The following TEX14 variants were observed in gnomAD, a reference collection of about 807,000 sequenced individuals.
TEX14 encodes testis expressed 14, intercellular bridge forming factor.
A neutral mutation model predicts 178.6 loss-of-function variants in TEX14; 168 were observed. The ratio of observed to expected loss-of-function variants is 0.94; its 90% CI spans 0.83 to 1.07. The LOEUF is 1.07. Among genes scored for constraint, TEX14 ranks in the 50% least tolerant of loss-of-function variants. The pLI is 0.00. For synonymous variants in TEX14, 626 were observed against 634.1 expected, an observed-to-expected ratio of 0.99 and a Z score of 0.19; for missense variants, 1,730 against 1,753.6, an observed-to-expected ratio of 0.99 and a Z score of 0.24.
chr17:58,644,311 G>GT (rs2046644801), intron 2 of TEX14, among the ~76,000 whole-genome samples: 1 of 152,156 alleles, frequency 6.6e-6, no homozygotes, highest in African/African-American at 2.4e-5. Flanking sequence ...AAAACCCTGG[G>GT]TATCTCTTAC....
intron 15 of TEX14, among the ~76,000 whole-genome samples, chr17:58,593,079 CTT>C (rs1311783846): frequency 1.3e-5 from 2 of 152,076 alleles, no homozygotes; most frequent in East Asian, 3.8e-4. Context: ...CACACACACT[CTT>C]CTTCCAGTAA....
chr17:58,614,678 G>A (rs2045830143), intron 8 of TEX14, among the ~76,000 whole-genome samples: 1 of 152,230 alleles, frequency 6.6e-6, no homozygotes, highest in Non-Finnish European at 1.5e-5. Context: ...AAGTTGAGGA[G>A]CCTTCTTAGG....
At chr17:58,584,163 A>G (rs2044893625) in intron 19 of TEX14, among the ~76,000 whole-genome samples, 1 of 151,948 alleles carries the variant, frequency 6.6e-6, no homozygotes, top group African/African-American at 2.4e-5. Context: ...TGCTTTTCCT[A>G]CTCCTAACTG....
chr17:58,582,958 G>A (rs975331981), intron 19 of TEX14, among the ~76,000 whole-genome samples: 2 of 150,454 alleles, frequency 1.3e-5, no homozygotes, highest in Non-Finnish European at 3.0e-5. Context: ...CAAACAAATG[G>A]CTCACTTCAG....
At chr17:58,691,540 G>A (rs2047723937) in intron 1 of TEX14, among the ~76,000 whole-genome samples, 1 of 151,602 alleles carries the variant, frequency 6.6e-6, no homozygotes, top group Non-Finnish European at 1.5e-5. Context: ...GGTGGCGTGC[G>A]CCTGTAATCC....
intron 14 of TEX14, 68 bp from the exon 15 acceptor site, chr17:58,593,729 AT>A: frequency 7.7e-7 from 1 of 1,306,232 alleles, no homozygotes; most frequent in Non-Finnish European, 1.1e-6. Context: ...CTGTCACACT[AT>A]TTTCAAAGCC....
intron 1 of TEX14, among the ~76,000 whole-genome samples, chr17:58,659,518 T>C (rs536698250): frequency 7.9e-5 from 12 of 152,192 alleles, no homozygotes; most frequent in Non-Finnish European, 1.5e-4. Context: ...TATCTACATA[T>C]GCCCGCCTCT....
intron 21 of TEX14, among the ~76,000 whole-genome samples, chr17:58,576,825 T>C (rs754567906): frequency 1.1e-4 from 17 of 152,208 alleles, no homozygotes; most frequent in Non-Finnish European, 2.4e-4. Flanking sequence ...TCTCTGGAAA[T>C]TTAGCCAAGT....
At position 58,561,555 on chromosome 17, in the gene TEX14, G is replaced by C; in HGVS notation, c.4122C>G (p.Ser1374Arg). 6.2e-7 allele frequency: 1 copy of C among 1,613,814 alleles called. No homozygotes were observed. The highest frequency in any genetic ancestry group is 1.1e-5 in the South Asian group (1 of 91,072). Reference protein sequence around the residue: ...LERWLQPPEESVELQDLPKGS... With the variant: ...LERWLQPPEERVELQDLPKGS... ...CCTTGGGAAGGTCTTGTAGCTCCAC[G>C]CTCTCCTCAGGTGGCTGCAGCCATC... The change falls in exon 29 of 32, where the codon AGC becomes AGG. Residue 1374 changes from serine (S) to arginine (R), a missense_variant. Ser to Arg is a moderately radical substitution (Grantham distance 110). Around this residue, in one of 2 missense-constraint regions of TEX14, gnomAD observed 941 missense variants for 1,072.4 expected, o/e 0.88. Coordinates refer to ENST00000349033, the MANE Select transcript of TEX14 (RefSeq NM_031272.5).
chr17:58,592,854 C>T (rs1280031381), intron 15 of TEX14, among the ~76,000 whole-genome samples: 1 of 152,032 alleles, frequency 6.6e-6, no homozygotes, highest in Non-Finnish European at 1.5e-5. Context: ...TACTTAAGTT[C>T]TTTAAAACTC....
chr17:58,572,864 G>T (rs138265990), intron 23 of TEX14, among the ~76,000 whole-genome samples: 1 of 152,198 alleles, frequency 6.6e-6, no homozygotes, highest in Non-Finnish European at 1.5e-5. Context: ...TAAGCACAAG[G>T]TACTGTTTTA....
At position 58,557,852 on chromosome 17, in the gene TEX14, T is replaced by A; in HGVS notation, c.4268-2A>T. On this transcript the variant is annotated splice_acceptor_variant, in intron 30 of 31. Transcript: ENST00000349033. LOFTEE classifies it high-confidence loss of function. ...TCCAAAAACAGGATTTTAGTTCATC[T>A]TGATGAAATATAAGAGGAAGGAAAA... 2 of 1,610,804 alleles carry A rather than the reference T, an allele frequency of 1.2e-6. No homozygotes were observed. The highest frequency in any genetic ancestry group is 1.7e-6 in the Non-Finnish European group (2 of 1,177,904).
rs777685467 is a variant in TEX14, at chr17:58,611,295, C to G, written c.1050G>C (p.Leu350=). 3 of 1,613,278 alleles carry G rather than the reference C, an allele frequency of 1.9e-6. No homozygotes were observed. Among genetic ancestry groups the G allele is most frequent in the Non-Finnish European group, 2.5e-6 (3 of 1,179,554 alleles). The change falls in exon 10 of 32, where the codon CTG becomes CTC. Residue 350 remains leucine, a synonymous_variant. Transcript: ENST00000349033. ...TCAGGGCATCAGATATCTGGAGCAGCAGGTGCACAATCACCTCCATGTGCA... is the reference window on the plus strand; with the variant it reads ...TCAGGGCATCAGATATCTGGAGCAGGAGGTGCACAATCACCTCCATGTGCA... The part of the protein sequence containing the change: ...PVLHMEVIVH[L]LLQISDALRY...
Position 58,561,517 on chromosome 17 carries a change from A to G in TEX14, c.4157+3T>C, listed in dbSNP as rs760679695. The G allele has an allele frequency of 2.5e-6, 4 of 1,607,312 alleles. No individual in the cohort carries two copies. The South Asian group carries it at 4.4e-5, about 18-fold the overall frequency. On this transcript the variant is annotated splice_donor_region_variant and intron_variant, in intron 29 of 31. Transcript: ENST00000349033. ...AAAGGATTCCCCTTTGGGGAACAAT[A>G]ACCTTTCAGAGCCCTTGGGAAGGTC...
At chr17:58,616,060 GTTC>G in intron 7 of TEX14, 112 bp downstream of exon 7, 1 of 1,204,120 alleles carries the variant, frequency 8.3e-7, no homozygotes, top group Non-Finnish European at 1.2e-6. Flanking sequence ...TTAGACAGAT[GTTC>G]TTAGGTGTTC....
At chr17:58,652,075 A>C in intron 1 of TEX14, 73 bp from the exon 2 acceptor site, 1 of 1,276,654 alleles carries the variant, frequency 7.8e-7, no homozygotes, top group Non-Finnish European at 1.0e-6. Flanking sequence ...ATTCTTTTAC[A>C]TTTAGAAACC....
At position 58,565,772 on chromosome 17, in the gene TEX14, T is replaced by TG. The variant is rs2044384130; in HGVS notation, c.3938dup (p.Ser1314LysfsTer2). The TG allele has an allele frequency of 6.8e-6, 11 of 1,610,266 alleles. No homozygotes were observed. Among genetic ancestry groups the TG allele is most frequent in the Non-Finnish European group, 8.5e-6 (10 of 1,178,420 alleles). On this transcript the variant is annotated frameshift_variant, in exon 27 of 32. Transcript: ENST00000349033. LOFTEE classifies it high-confidence loss of function. The stretch of plus-strand genomic sequence containing the variant: ...CATTTGCAGTGCCTCCTCCATCACT[T>TG]GCTGTGTTCTCATGCAACACCGTGG...
At chr17:58,660,832 T>C in intron 1 of TEX14, 2 of 785,086 alleles carry the variant, frequency 2.5e-6, no homozygotes, top group South Asian at 2.7e-5. Flanking sequence ...CAGCGCCAAA[T>C]ACTTTGGCTT....
chr17:58,564,696 A>C (rs1174879711), intron 28 of TEX14, among the ~76,000 whole-genome samples, 173 bp downstream of exon 28: 3 of 152,210 alleles, frequency 2.0e-5, no homozygotes, highest in Non-Finnish European at 4.4e-5. Flanking sequence ...ACATTTTTAA[A>C]GCAAAAAAAG....
Sources: allele counts gnomAD v4.1 joint callset (sites outside exome capture counted in the v4.1 genomes callset), GRCh38; gene constraint gnomAD v4.1.1; regional missense constraint gnomAD v4.1.1; transcripts MANE v1.5; gene names NCBI Gene and HGNC (gene_info 2026-07-23, HGNC 2026-07-21).